Variants in TRAK1 observed in about 807,000 individuals in gnomAD.
TRAK1 encodes trafficking kinesin protein 1.
In TRAK1, 33 loss-of-function variants were observed where a neutral mutation model predicts 92.1. The ratio of observed to expected loss-of-function variants is 0.36; its 90% confidence interval spans 0.27 to 0.48. The LOEUF is 0.48. Among genes scored for constraint, TRAK1 ranks in the 20% least tolerant of loss-of-function variants. The pLI, the probability that TRAK1 is intolerant of heterozygous loss-of-function variation, is 0.99. For synonymous variants in TRAK1, 521 were observed against 517.3 expected (o/e 1.01, Z -0.10); for missense variants, 1,123 against 1,257.9 (o/e 0.89, Z 1.62).
chr3:42,068,827 G>T (rs919319881), intron 1 of TRAK1, among the ~76,000 whole-genome samples: 4 of 152,070 alleles, frequency 2.6e-5, no homozygotes, highest in African/African-American at 9.7e-5. Context: ...TATTGTATTA[G>T]CTCGTTTAAT....
At chr3:42,108,502 A>C (rs1182043186) in intron 1 of TRAK1, among the ~76,000 whole-genome samples, 2 of 151,714 alleles carry the variant, frequency 1.3e-5, no homozygotes, top group African/African-American at 4.8e-5. Context: ...TAAAAAAAAA[A>C]AAAAAAAAAA....
chr3:42,067,484 C>A (rs1703726478), intron 1 of TRAK1, among the ~76,000 whole-genome samples: 1 of 152,186 alleles, frequency 6.6e-6, no homozygotes, highest in Admixed American at 6.5e-5. Context: ...GCTGTGATTT[C>A]ACTGTAGTTC....
At chr3:42,141,379 G>A (rs1167999099) in intron 2 of TRAK1, among the ~76,000 whole-genome samples, 1 of 152,150 alleles carries the variant, frequency 6.6e-6, no homozygotes, top group Non-Finnish European at 1.5e-5. Context: ...CATCAGTACT[G>A]TGGGTTTAAT....
chr3:42,039,330 AGTTAGTTGATGG>A (rs1330813579), intron 1 of TRAK1, among the ~76,000 whole-genome samples: 7 of 152,162 alleles, frequency 4.6e-5, no homozygotes, highest in Non-Finnish European at 1.0e-4. Context: ...TCCATTCATC[AGTTAGTTGATGG>A]ATGTTTGGGT....
At chr3:42,027,242 G>A (rs1701954499) in intron 1 of TRAK1, among the ~76,000 whole-genome samples, 1 of 152,080 alleles carries the variant, frequency 6.6e-6, no homozygotes, top group Non-Finnish European at 1.5e-5. Flanking sequence ...AAAGCTTTTT[G>A]GCCGGGCGTG....
chr3:42,202,675 T>C lies in TRAK1; in HGVS notation c.1667T>C (p.Phe556Ser), dbSNP rs1323026386. ...SLGTHSRFSE[F>S]TGFSGMSFSS... Reference sequence around the variant, plus strand: ...GGCACGCACTCCCGCTTCTCCGAGTTCACCGGCTTCTCTGGCATGTCCTTC... The same window carrying C: ...GGCACGCACTCCCGCTTCTCCGAGTCCACCGGCTTCTCTGGCATGTCCTTC... The change falls in exon 13 of 16, where the codon TTC (phenylalanine) becomes TCC (serine). Residue 556 changes from phenylalanine (F) to serine (S), a missense_variant. By Grantham distance (155) the Phe-to-Ser change is radical. Transcript: ENST00000327628. The surrounding 1 kb of genome is among the most constrained non-coding windows in gnomAD (Gnocchi z 6.1). 6.2e-7 allele frequency: 1 copy of C among 1,613,640 alleles called. No individual in the cohort carries two copies. The highest frequency in any genetic ancestry group is 1.7e-5 in the Admixed American group (1 of 60,030).
intron 1 of TRAK1, among the ~76,000 whole-genome samples, chr3:42,038,258 C>T (rs1366146734): frequency 6.6e-6 from 1 of 152,100 alleles, no homozygotes; most frequent in Non-Finnish European, 1.5e-5. Context: ...TTTCTAGGTG[C>T]AAGGGTGTTG....
At chr3:42,102,790 T>C (rs1706979034) in intron 1 of TRAK1, among the ~76,000 whole-genome samples, 1 of 152,214 alleles carries the variant, frequency 6.6e-6, no homozygotes, top group African/African-American at 2.4e-5. Flanking sequence ...ACTGCTGGCA[T>C]GTTTAGGCAA....
chr3:42,209,670 A>C (rs1708751015), intron 13 of TRAK1, 97 bp from the exon 14 acceptor site: 2 of 1,256,142 alleles, frequency 1.6e-6, no homozygotes, highest in Admixed American at 4.0e-5. Flanking sequence ...GGTTCACGCT[A>C]AGCACTTTGA....
intron 1 of TRAK1, among the ~76,000 whole-genome samples, chr3:42,103,272 AT>A (rs1297618819): frequency 2.0e-5 from 3 of 152,006 alleles, no homozygotes; most frequent in Non-Finnish European, 4.4e-5. Context: ...GGTTCAAGAG[AT>A]TCTCCTGCCT....
At chr3:42,197,977 T>A (rs1706987048) in intron 10 of TRAK1, among the ~76,000 whole-genome samples, 1 of 152,258 alleles carries the variant, frequency 6.6e-6, no homozygotes, top group South Asian at 2.1e-4. Flanking sequence ...CCACATTTCT[T>A]GTGCTCACTA....
At chr3:42,173,816 G>A (rs1240563004) in intron 2 of TRAK1, among the ~76,000 whole-genome samples, 1 of 152,142 alleles carries the variant, frequency 6.6e-6, no homozygotes, top group Non-Finnish European at 1.5e-5. Flanking sequence ...TTGTTGTGAA[G>A]ATTAATTGAG....
At chr3:42,099,644 T>C (rs1380896541) in intron 1 of TRAK1, among the ~76,000 whole-genome samples, 3 of 152,198 alleles carry the variant, frequency 2.0e-5, no homozygotes, top group African/African-American at 7.2e-5. Flanking sequence ...CGTTCTTCTC[T>C]TAGTAGGAAT....
At chr3:42,175,386 G>A (rs1175438992) in intron 2 of TRAK1, among the ~76,000 whole-genome samples, 2 of 152,134 alleles carry the variant, frequency 1.3e-5, no homozygotes, top group Non-Finnish European at 2.9e-5. Flanking sequence ...ATTTGAGCTG[G>A]ACTTCATCTA....
At chr3:42,033,585 C>CAATCAA (rs1702225746) in intron 1 of TRAK1, among the ~76,000 whole-genome samples, 1 of 151,480 alleles carries the variant, frequency 6.6e-6, no homozygotes, top group African/African-American at 2.4e-5. Context: ...AAGACCCTGT[C>CAATCAA]TCAATCAATC....
At chr3:42,031,470 CAA>C (rs1039348883) in intron 1 of TRAK1, among the ~76,000 whole-genome samples, 11 of 151,634 alleles carry the variant, frequency 7.3e-5, no homozygotes, top group African/African-American at 2.7e-4. Flanking sequence ...CCCATCTCCA[CAA>C]AAAATAAAAA....
At chr3:42,197,489 C>T (rs1474960158) in intron 10 of TRAK1, among the ~76,000 whole-genome samples, 1 of 151,920 alleles carries the variant, frequency 6.6e-6, no homozygotes, top group Non-Finnish European at 1.5e-5. Flanking sequence ...TTAGTTGAAT[C>T]TGAAGAAGTG....
intron 9 of TRAK1, among the ~76,000 whole-genome samples, chr3:42,194,478 T>A (rs77871913): frequency 6.6e-6 from 1 of 151,958 alleles, no homozygotes; most frequent in African/African-American, 2.4e-5. Context: ...CCAAGCAAAC[T>A]GCCTGCCTTG....
intron 1 of TRAK1, among the ~76,000 whole-genome samples, chr3:42,028,914 A>G (rs1357689319): frequency 6.6e-6 from 1 of 152,188 alleles, no homozygotes; most frequent in Non-Finnish European, 1.5e-5. Context: ...GCTATAAATA[A>G]ATACCTAGGA....
Sources: allele counts gnomAD v4.1 joint callset (sites outside exome capture counted in the v4.1 genomes callset), GRCh38; gene constraint gnomAD v4.1.1; non-coding constraint Gnocchi (gnomAD v3.1); transcripts MANE v1.5; gene names NCBI Gene and HGNC (gene_info 2026-07-23, HGNC 2026-07-21).